Variants in GSK3B observed in about 807,000 individuals in gnomAD.
GSK3B encodes glycogen synthase kinase-3 beta.
In GSK3B, 15 loss-of-function variants were observed where a neutral mutation model predicts 56.4. The observed-to-expected ratio is 0.27, with a 90% CI of 0.18 to 0.41. The LOEUF (loss-of-function observed/expected upper bound fraction) is 0.41, where lower values mean the gene tolerates loss of function less well. Among genes scored for constraint, GSK3B ranks in the 10% least tolerant of loss-of-function variants. The probability of loss-of-function intolerance (pLI) is 1.00; values close to 1 mark genes in which losing one functional copy is unlikely to be tolerated. For synonymous variants in GSK3B, 181 were observed against 188.9 expected (o/e 0.96, Z 0.34); for missense variants, 300 against 513.4 (o/e 0.58, Z 4.02).
intron 1 of GSK3B, among the ~76,000 whole-genome samples, chr3:120,054,506 C>T (rs1388653006): frequency 6.6e-6 from 1 of 152,088 alleles, no homozygotes; most frequent in South Asian, 2.1e-4. Flanking sequence ...CATTTCAGAT[C>T]CCTCTCTCCC....
chr3:120,060,552 C>T (rs572263865), intron 1 of GSK3B, among the ~76,000 whole-genome samples: 1 of 151,964 alleles, frequency 6.6e-6, no homozygotes, highest in African/African-American at 2.4e-5. Flanking sequence ...CATAGGGAGA[C>T]CCCGTCTCTA....
At chr3:120,055,585 T>TA (rs1157935642) in intron 1 of GSK3B, among the ~76,000 whole-genome samples, 30 of 152,144 alleles carry the variant, frequency 2.0e-4, no homozygotes, top group African/African-American at 7.2e-4. Flanking sequence ...AACTGGGAGT[T>TA]AGAGTGAGGA....
Position 119,826,517 on chromosome 3 carries a change from G to A in GSK3B, c.*271C>T, listed in dbSNP as rs570170452. 1.3e-4 allele frequency: 76 copies of A among 569,244 alleles called. No homozygotes were observed. Among genetic ancestry groups the A allele is most frequent in the Admixed American group, 8.5e-4 (30 of 35,088 alleles). 35.3% of individuals were successfully genotyped at this position (569,244 alleles called of 1,614,324 possible). A position where few individuals can be genotyped will look rare whatever the true frequency, so the allele number is the denominator to read the frequency against. The stretch of plus-strand genomic sequence containing the variant: ...TAAAAAAAGATTGTCGTGGGAGAGA[G>A]ATTGTATGTTCTAGTGCTCCGCTTT... On this transcript the variant is annotated 3_prime_UTR_variant, in exon 11 of 11. Coordinates refer to ENST00000264235, the MANE Select transcript of GSK3B (RefSeq NM_001146156.2).
chr3:119,981,280 G>A (rs1040114191), intron 2 of GSK3B, among the ~76,000 whole-genome samples: 4 of 152,222 alleles, frequency 2.6e-5, no homozygotes, highest in African/African-American at 4.8e-5. Context: ...CAGCATGATC[G>A]ACGCAGAAGA....
At chr3:119,985,505 C>T (rs9853677) in intron 2 of GSK3B, among the ~76,000 whole-genome samples, 80,001 of 152,004 alleles carry the variant, frequency 0.53, 24,882 homozygotes, top group African/African-American at 0.88. Context: ...ACAAAATCAA[C>T]GTGCAAAAAT....
chr3:120,087,984 A>G (rs1286476441), intron 1 of GSK3B, among the ~76,000 whole-genome samples: 1 of 151,880 alleles, frequency 6.6e-6, no homozygotes, highest in Admixed American at 6.6e-5. Flanking sequence ...TCTCCGCCTC[A>G]TGGGTTCAAA....
chr3:119,859,720 T>G (rs1240032060), intron 9 of GSK3B, among the ~76,000 whole-genome samples: 3 of 152,160 alleles, frequency 2.0e-5, no homozygotes, highest in Non-Finnish European at 4.4e-5. Context: ...TGGAACACCT[T>G]TTCTATCTCA....
intron 1 of GSK3B, chr3:120,029,720 T>A (rs753940742): frequency 1.9e-6 from 1 of 538,842 alleles, no homozygotes; most frequent in African/African-American, 1.9e-5. Flanking sequence ...AATTTTTTTA[T>A]CATGCAGTGC....
At chr3:120,062,828 T>C (rs1434201957) in intron 1 of GSK3B, among the ~76,000 whole-genome samples, 3 of 152,202 alleles carry the variant, frequency 2.0e-5, no homozygotes, top group African/African-American at 7.2e-5. Context: ...ATAAAAGTTT[T>C]CTCAATTTCT....
chr3:119,983,862 G>A (rs2057487803), intron 2 of GSK3B, among the ~76,000 whole-genome samples: 1 of 152,160 alleles, frequency 6.6e-6, no homozygotes, highest in Non-Finnish European at 1.5e-5. Flanking sequence ...AGACCTAATA[G>A]ACATCTACAG....
intron 3 of GSK3B, among the ~76,000 whole-genome samples, chr3:119,930,142 CATTT>C (rs1056933289): frequency 1.9e-4 from 28 of 151,248 alleles, no homozygotes; most frequent in African/African-American, 5.3e-4. Flanking sequence ...TGCACACACA[CATTT>C]ATTTAATTTT....
chr3:119,929,109 AG>A (rs754737355), intron 3 of GSK3B, among the ~76,000 whole-genome samples: 1 of 152,210 alleles, frequency 6.6e-6, no homozygotes, highest in South Asian at 2.1e-4. Context: ...ATGCAAAACT[AG>A]GGGTAACAAG....
At chr3:119,990,066 A>G (rs1172562757) in intron 2 of GSK3B, among the ~76,000 whole-genome samples, 2 of 152,326 alleles carry the variant, frequency 1.3e-5, no homozygotes, top group African/African-American at 4.8e-5. Flanking sequence ...AAAGGGCATC[A>G]GCCTAATGGC....
At chr3:120,076,259 A>G (rs1475558979) in intron 1 of GSK3B, among the ~76,000 whole-genome samples, 1 of 152,242 alleles carries the variant, frequency 6.6e-6, no homozygotes, top group Non-Finnish European at 1.5e-5. Flanking sequence ...AAATTCCTAG[A>G]AGAAAACATA....
At chr3:119,832,498 C>T (rs1014247965) in intron 10 of GSK3B, among the ~76,000 whole-genome samples, 3 of 152,224 alleles carry the variant, frequency 2.0e-5, no homozygotes, top group African/African-American at 7.2e-5. Flanking sequence ...ATAGATAACA[C>T]ACATGTATAT....
intron 7 of GSK3B, among the ~76,000 whole-genome samples, chr3:119,883,256 A>G (rs1269278215): frequency 1.3e-5 from 2 of 152,162 alleles, no homozygotes; most frequent in African/African-American, 4.8e-5. Context: ...CTAAAAATTC[A>G]AAAAGCTCTC....
intron 2 of GSK3B, among the ~76,000 whole-genome samples, chr3:119,953,236 T>C (rs1399709160): frequency 6.6e-6 from 1 of 151,962 alleles, no homozygotes; most frequent in Non-Finnish European, 1.5e-5. Flanking sequence ...GACGATACAC[T>C]AAAAAATATT....
intron 9 of GSK3B, among the ~76,000 whole-genome samples, chr3:119,849,155 A>G (rs978759936): frequency 2.0e-5 from 3 of 152,226 alleles, no homozygotes; most frequent in African/African-American, 7.2e-5. Flanking sequence ...AGAAATTCAG[A>G]TTTACCATTC....
At chr3:119,892,310 T>C (rs527643759) in intron 7 of GSK3B, among the ~76,000 whole-genome samples, 3 of 152,290 alleles carry the variant, frequency 2.0e-5, no homozygotes, top group East Asian at 1.9e-4. Context: ...ACTCATATTC[T>C]ATCAACCCCA....
Sources: gnomAD v4.1 joint callset for allele counts (sites outside exome capture counted in the v4.1 genomes callset) on GRCh38, gnomAD v4.1.1 for gene constraint, MANE v1.5 for transcripts, NCBI Gene and HGNC (gene_info 2026-07-23, HGNC 2026-07-21) for gene names.